USP34: variants seen among roughly 807,000 people sequenced by gnomAD.
USP34 encodes ubiquitin carboxyl-terminal hydrolase 34.
Under a neutral mutation model 460.3 loss-of-function variants are expected in USP34, and 70 were observed. That is an observed-to-expected ratio of 0.15 (90% CI 0.13 to 0.19). USP34 has a LOEUF of 0.19. Ranked by LOEUF, USP34 falls within the 10% of genes least tolerant of loss-of-function variation. The probability of loss-of-function intolerance (pLI) is 1.00; values close to 1 mark genes in which losing one functional copy is unlikely to be tolerated. For synonymous variants in USP34, 1,647 were observed against 1,405.3 expected (o/e 1.17, Z -3.85); for missense variants, 3,985 against 4,236.2 (o/e 0.94, Z 1.65).
intron 1 of USP34, among the ~76,000 whole-genome samples, chr2:61,452,705 G>C (rs1003048465): frequency 8.0e-5 from 12 of 150,508 alleles, no homozygotes; most frequent in African/African-American, 3.0e-4. Flanking sequence ...GAAACACAAA[G>C]AGGCCCTGTC....
At chr2:61,469,513 G>A (rs1172068921) in intron 1 of USP34, among the ~76,000 whole-genome samples, 7 of 152,210 alleles carry the variant, frequency 4.6e-5, no homozygotes, top group Admixed American at 2.0e-4. Context: ...CTATCAGGAA[G>A]TAAATACGGA....
chr2:61,266,457 A>G (rs1689049301), intron 41 of USP34, among the ~76,000 whole-genome samples: 2 of 152,142 alleles, frequency 1.3e-5, no homozygotes, highest in African/African-American at 4.8e-5. Flanking sequence ...AGTTTTTGTT[A>G]AGGCCTCATT....
At chr2:61,257,409 C>CA in intron 44 of USP34, 59 bp from the exon 45 acceptor site, 1 of 1,421,610 alleles carries the variant, frequency 7.0e-7, no homozygotes, top group Non-Finnish European at 9.4e-7. Flanking sequence ...ATTATAGGTT[C>CA]TTCAATGAAC....
At chr2:61,201,449 G>A (rs1030440878) in intron 75 of USP34, among the ~76,000 whole-genome samples, 8 of 152,020 alleles carry the variant, frequency 5.3e-5, no homozygotes, top group East Asian at 1.9e-4. Flanking sequence ...TCTTGACCTC[G>A]TGATCCGCCC....
intron 25 of USP34, 123 bp from the exon 26 acceptor site, chr2:61,312,033 T>C (rs1191081554): frequency 8.5e-7 from 1 of 1,179,608 alleles, no homozygotes; most frequent in African/African-American, 1.6e-5. Flanking sequence ...CATTCCAATG[T>C]ATTCTACAGC....
chr2:61,309,984 C>T (rs568931317), intron 27 of USP34, among the ~76,000 whole-genome samples: 3 of 152,134 alleles, frequency 2.0e-5, no homozygotes, highest in South Asian at 2.1e-4. Context: ...GGTTGCCAAA[C>T]TGTTTCACAA....
chr2:61,347,839 G>C (rs764509069), intron 15 of USP34, 31 bp downstream of exon 15: 3 of 1,602,590 alleles, frequency 1.9e-6, no homozygotes, highest in Non-Finnish European at 2.6e-6. Flanking sequence ...AAGGAAATAT[G>C]AACTGAATAT....
At chr2:61,423,728 G>C (rs1357124332) in intron 1 of USP34, among the ~76,000 whole-genome samples, 2 of 152,170 alleles carry the variant, frequency 1.3e-5, no homozygotes, top group African/African-American at 2.4e-5. Flanking sequence ...AAGACTGCTT[G>C]AGGCCAGGAA....
intron 41 of USP34, among the ~76,000 whole-genome samples, chr2:61,275,271 C>A (rs1312410345): frequency 6.6e-6 from 1 of 151,848 alleles, no homozygotes; most frequent in African/African-American, 2.4e-5. Flanking sequence ...AGAGCCAGAC[C>A]CCGTCTCAAA....
rs187440265 is a variant in USP34 at position 61,387,561 on chromosome 2, T to C, written c.754-4225A>G. On this transcript the variant is annotated intron_variant, in intron 5 of 79. Coordinates refer to ENST00000398571, the MANE Select transcript of USP34 (RefSeq NM_014709.4). ...CACATATATAAAATATATATATTTA[T>C]ATATACACACATATATAAAATATAT... is the stretch of plus-strand genomic sequence containing the variant. Among the ~76,000 whole-genome samples, 402 of 146,166 alleles carry C rather than the reference T, an allele frequency of 2.8e-3. 1 individual carries two copies. Among genetic ancestry groups the C allele is most frequent in the African/African-American group, 8.8e-3 (355 of 40,544 alleles).
At chr2:61,189,198 G>C in intron 78 of USP34, 129 bp from the exon 79 acceptor site, 3 of 960,712 alleles carry the variant, frequency 3.1e-6, no homozygotes, top group South Asian at 2.0e-5. Flanking sequence ...GGTTTCTCTG[G>C]GATTCTTAGA....
intron 43 of USP34, among the ~76,000 whole-genome samples, chr2:61,260,120 C>T (rs766077867): frequency 6.6e-6 from 1 of 152,070 alleles, no homozygotes; most frequent in Admixed American, 6.5e-5. Flanking sequence ...ACAAGTAAAC[C>T]TACACATTAA....
chr2:61,415,472 T>C (rs1225380276), intron 2 of USP34, among the ~76,000 whole-genome samples: 1 of 152,188 alleles, frequency 6.6e-6, no homozygotes, highest in African/African-American at 2.4e-5. Flanking sequence ...GATGTAACTA[T>C]ACTGAGAGAA....
At chr2:61,407,742 G>A (rs1294736545) in intron 2 of USP34, among the ~76,000 whole-genome samples, 2 of 152,142 alleles carry the variant, frequency 1.3e-5, no homozygotes, top group African/African-American at 2.4e-5. Context: ...TACTCTAGAG[G>A]AAGCCACCTA....
chr2:61,414,794 G>A (rs192772573), intron 2 of USP34, among the ~76,000 whole-genome samples: 7 of 152,232 alleles, frequency 4.6e-5, no homozygotes, highest in Admixed American at 3.3e-4. Flanking sequence ...TTTCCTATTG[G>A]TTACTTGGTA....
intron 1 of USP34, among the ~76,000 whole-genome samples, chr2:61,447,339 C>T (rs1408186490): frequency 6.7e-6 from 1 of 149,430 alleles, no homozygotes; most frequent in African/African-American, 2.5e-5. Context: ...AAGTATTGGG[C>T]ACCTTTCAAG....
intron 27 of USP34, among the ~76,000 whole-genome samples, chr2:61,309,637 T>C (rs1690525120): frequency 1.3e-5 from 2 of 152,182 alleles, no homozygotes; most frequent in Admixed American, 1.3e-4. Flanking sequence ...CACCTCCATG[T>C]CCTACTGCTT....
chr2:61,345,807 T>G (rs1691749942), intron 15 of USP34, among the ~76,000 whole-genome samples: 1 of 152,130 alleles, frequency 6.6e-6, no homozygotes, highest in African/African-American at 2.4e-5. Context: ...GCTAGTGTTT[T>G]TAATATTTTT....
chr2:61,373,926 G>A (rs1347404662), intron 8 of USP34, among the ~76,000 whole-genome samples: 4 of 152,102 alleles, frequency 2.6e-5, no homozygotes, highest in East Asian at 1.9e-4. Context: ...AGGCCAAGAC[G>A]GGTGGACTGC....
Sources: gnomAD v4.1 joint callset for allele counts (sites outside exome capture counted in the v4.1 genomes callset) on GRCh38, gnomAD v4.1.1 for gene constraint, MANE v1.5 for transcripts, NCBI Gene and HGNC (gene_info 2026-07-23, HGNC 2026-07-21) for gene names.